GALNT18: variants seen among roughly 807,000 people sequenced by gnomAD.
GALNT18 encodes polypeptide N-acetylgalactosaminyltransferase 18.
A neutral mutation model predicts 69.5 loss-of-function variants in GALNT18; 44 were observed. The ratio of observed to expected loss-of-function variants is 0.63; its 90% CI spans 0.50 to 0.81. The LOEUF (loss-of-function observed/expected upper bound fraction) is 0.81, where lower values mean the gene tolerates loss of function less well. GALNT18 is among the 40% of genes least tolerant of loss of function. The pLI is 0.00. For missense variants in GALNT18, 715 were observed against 810.0 expected (o/e 0.88, Z 1.42); for synonymous variants, 364 against 318.2 (o/e 1.14, Z -1.53).
rs1858848810 is a variant in GALNT18, at chr11:11,573,667, C to T, written c.235+47692G>A. 6.6e-6 allele frequency: 1 copy of T among 152,118 alleles called. No homozygotes were observed. The highest frequency in any genetic ancestry group is 2.4e-5 in the African/African-American group (1 of 41,414). 9.4% of individuals were successfully genotyped at this position (152,118 alleles called of 1,614,324 possible). ...AATCTTTAGAAAACAGCAGGATCTC[C>T]GAGGAGAGAAAGAATTTCTCTCCAG... On this transcript the variant is annotated intron_variant, in intron 1 of 10. Transcript: ENST00000227756. The surrounding 1 kb of genome is among the most constrained non-coding windows in gnomAD (Gnocchi z 4.6).
intron 1 of GALNT18, among the ~76,000 whole-genome samples, chr11:11,455,944 C>T (rs997816166): frequency 1.3e-5 from 2 of 152,074 alleles, no homozygotes; most frequent in African/African-American, 4.8e-5. Context: ...CAAAAATTAG[C>T]CAAGCATGGT....
rs1229009872 is a variant in GALNT18, at chr11:11,541,108, G to T, written c.235+80251C>A. ...CCACATCCACTTCTCAGACCATAGT[G>T]TTCCCCACTGGCTGAGATTAATGGG... On this transcript the variant is annotated intron_variant, in intron 1 of 10. Transcript: ENST00000227756. This position sits in a 1 kb window ranked among gnomAD's most constrained non-coding sequence, Gnocchi z 4.8. 6.6e-6 allele frequency among the ~76,000 whole-genome samples: 1 copy of T among 152,156 alleles called. No homozygotes were observed. Among genetic ancestry groups the T allele is most frequent in the East Asian group, 1.9e-4 (1 of 5,194 alleles).
chr11:11,343,640 A>G (rs903565438), intron 6 of GALNT18, among the ~76,000 whole-genome samples: 4 of 152,210 alleles, frequency 2.6e-5, no homozygotes, highest in African/African-American at 7.2e-5. Context: ...CAGGTTCTCT[A>G]TGAAAGCCTG....
intron 3 of GALNT18, among the ~76,000 whole-genome samples, chr11:11,401,984 T>C (rs1175738773): frequency 2.6e-5 from 4 of 152,160 alleles, no homozygotes; most frequent in Non-Finnish European, 2.9e-5. Flanking sequence ...CCTTAAGGAA[T>C]AAAGAAAAGT....
At chr11:11,287,912 A>G (rs1409256585) in intron 10 of GALNT18, among the ~76,000 whole-genome samples, 1 of 152,110 alleles carries the variant, frequency 6.6e-6, no homozygotes, top group Non-Finnish European at 1.5e-5. Context: ...CATCTAATCC[A>G]TCATTGTGTA....
chr11:11,565,524 GAGC>G (rs1858627000), intron 1 of GALNT18, among the ~76,000 whole-genome samples: 1 of 152,182 alleles, frequency 6.6e-6, no homozygotes, highest in Non-Finnish European at 1.5e-5. Flanking sequence ...GGAAAGGAAG[GAGC>G]AGAAGAAAAA....
At chr11:11,473,125 G>A (rs759890604) in intron 1 of GALNT18, among the ~76,000 whole-genome samples, 7 of 152,060 alleles carry the variant, frequency 4.6e-5, no homozygotes, top group Non-Finnish European at 7.4e-5. Flanking sequence ...TCTAAACAAG[G>A]CACTCTCAAC....
At position 11,546,293 on chromosome 11, in the gene GALNT18, AG is replaced by A. The variant is rs1273178704; in HGVS notation, c.235+75065del. Among the ~76,000 whole-genome samples, 5 of 152,168 alleles carry A rather than the reference AG, an allele frequency of 3.3e-5. No homozygotes were observed. Among genetic ancestry groups the A allele is most frequent in the Non-Finnish European group, 7.4e-5 (5 of 68,022 alleles). On this transcript the variant is annotated intron_variant, in intron 1 of 10. Transcript: ENST00000227756. The surrounding 1 kb of genome is among the most constrained non-coding windows in gnomAD (Gnocchi z 5.8). ...CCTCCACACCCCTGTCAACCCAGCC[AG>A]GACCTGAGGCCATCGGGACTCCCTG...
Position 11,387,870 on chromosome 11 carries a change from T to C in GALNT18, c.596-8606A>G, listed in dbSNP as rs1342856922. ...GAGAGCTCCGGGCAGCATTGCTGCG[T>C]GTATTCCTCTGTCTTGAAGATCACT... On this transcript the variant is annotated intron_variant, in intron 3 of 10. Transcript: ENST00000227756. This position sits in a 1 kb window ranked among gnomAD's most constrained non-coding sequence, Gnocchi z 4.6. 6.6e-6 allele frequency among the ~76,000 whole-genome samples: 1 copy of C among 152,238 alleles called. No individual in the cohort carries two copies. The highest frequency in any genetic ancestry group is 1.5e-5 in the Non-Finnish European group (1 of 68,040).
At chr11:11,455,611 G>A (rs201441779) in intron 1 of GALNT18, among the ~76,000 whole-genome samples, 115 of 152,316 alleles carry the variant, frequency 7.6e-4, no homozygotes, top group African/African-American at 2.6e-3. Context: ...AAACCAAGAA[G>A]CCAGACCCAG....
In GALNT18 at chr11:11,463,844, C is replaced by T. The variant is rs1182247600; in HGVS notation, c.236-14908G>A. On this transcript the variant is annotated intron_variant, in intron 1 of 10. Coordinates refer to ENST00000227756, the MANE Select transcript of GALNT18 (RefSeq NM_198516.3). This position sits in a 1 kb window ranked among gnomAD's most constrained non-coding sequence, Gnocchi z 4.2. ...AAGATGTGAAACCTTTATGCTGTCT[C>T]GACGCTCTGTATTATGAATGCAGTA... Among the ~76,000 whole-genome samples the T allele has an allele frequency of 6.6e-6, 1 of 152,212 alleles. No individual in the cohort carries two copies. The highest frequency in any genetic ancestry group is 1.5e-5 in the Non-Finnish European group (1 of 68,012).
At chr11:11,503,170 T>C (rs77876721) in intron 1 of GALNT18, among the ~76,000 whole-genome samples, 1,533 of 152,234 alleles carry the variant, frequency 0.01, 26 homozygotes, top group African/African-American at 0.032. Flanking sequence ...GGGGACCAGA[T>C]AGTGAAGGCA....
chr11:11,381,123 C>T lies in GALNT18; in HGVS notation c.596-1859G>A, dbSNP rs533151061. ...TGTCCCACAAATGTCAGGACATTGG[C>T]CATGGAGCAGCATAACTCAATATGT... On this transcript the variant is annotated intron_variant, in intron 3 of 10. Transcript: ENST00000227756. 2.4e-4 allele frequency among the ~76,000 whole-genome samples: 37 copies of T among 152,338 alleles called. No homozygotes were observed. The East Asian group carries it at 6.4e-3, about 26-fold the overall frequency.
At chr11:11,279,758 G>A (rs1849028982) in intron 10 of GALNT18, among the ~76,000 whole-genome samples, 3 of 152,234 alleles carry the variant, frequency 2.0e-5, no homozygotes, top group Non-Finnish European at 2.9e-5. Flanking sequence ...GGAAGGTGAT[G>A]GGCAGGAAAT....
chr11:11,491,962 A>G (rs937438562), intron 1 of GALNT18, among the ~76,000 whole-genome samples: 9 of 152,236 alleles, frequency 5.9e-5, no homozygotes, highest in African/African-American at 1.9e-4. Context: ...CTCATCTCTC[A>G]TAGAAAGGAA....
At position 11,437,201 on chromosome 11, in the gene GALNT18, C is replaced by T. The variant is rs183477484; in HGVS notation, c.429-4414G>A. 1.6e-4 allele frequency among the ~76,000 whole-genome samples: 25 copies of T among 152,346 alleles called. No homozygotes were observed. In the East Asian group the frequency reaches 4.8e-3, roughly 29 times the overall value. Reference sequence around the variant, plus strand: ...CTTCCGTGTTTAAGCTCCTCGAGAACTCACAACTGCACGAGACCGAGCCCA... The same window carrying T: ...CTTCCGTGTTTAAGCTCCTCGAGAATTCACAACTGCACGAGACCGAGCCCA... On this transcript the variant is annotated intron_variant, in intron 2 of 10. Transcript: ENST00000227756.
At chr11:11,365,932 C>G (rs1564912152) in intron 6 of GALNT18, among the ~76,000 whole-genome samples, 1 of 152,192 alleles carries the variant, frequency 6.6e-6, no homozygotes, top group African/African-American at 2.4e-5. Context: ...CCCCTCGAAG[C>G]AAAGGTATGT....
rs1565028079 is a variant in GALNT18, at chr11:11,586,211, T to C, written c.235+35148A>G. Among the ~76,000 whole-genome samples the C allele has an allele frequency of 6.6e-6, 1 of 152,232 alleles. No homozygotes were observed. On this transcript the variant is annotated intron_variant, in intron 1 of 10. Coordinates refer to ENST00000227756, the MANE Select transcript of GALNT18 (RefSeq NM_198516.3). The surrounding 1 kb of genome is among the most constrained non-coding windows in gnomAD (Gnocchi z 4.1). ...AGTCTGAATGGACTAAAACAAATTG[T>C]ACCAAGAGTCTGTAGTTCTTTTTCA...
At position 11,342,910 on chromosome 11, in the gene GALNT18, C is replaced by T. The variant is rs140053338; in HGVS notation, c.1093-1906G>A. Among the ~76,000 whole-genome samples, 889 of 152,324 alleles carry T rather than the reference C, an allele frequency of 5.8e-3. 6 individuals carry two copies. Among genetic ancestry groups the T allele is most frequent in the Non-Finnish European group, 9.1e-3 (622 of 68,030 alleles). On this transcript the variant is annotated intron_variant, in intron 6 of 10. Transcript: ENST00000227756. ...CTGAGAAAATTAAAGCAATTACATG[C>T]AACGTGCTTAAAAAATGCCTGGTGC...
Sources: gnomAD v4.1 joint callset for allele counts (sites outside exome capture counted in the v4.1 genomes callset) on GRCh38, gnomAD v4.1.1 for gene constraint, Gnocchi (gnomAD v3.1) non-coding constraint, MANE v1.5 for transcripts, NCBI Gene and HGNC (gene_info 2026-07-23, HGNC 2026-07-21) for gene names.